Variants in LUZP2 observed in about 807,000 individuals in gnomAD.
The protein encoded by LUZP2 is leucine zipper protein 2.
LUZP2 carries 52 observed loss-of-function variants against 51.6 expected under a neutral mutation model. The observed-to-expected ratio is 1.01, with a 90% confidence interval of 0.81 to 1.27. The LOEUF (loss-of-function observed/expected upper bound fraction) is 1.27, where lower values mean the gene tolerates loss of function less well. LUZP2 is among the 50% of genes most tolerant of loss of function. LUZP2 has a pLI of 0.00. For missense variants in LUZP2, 436 were observed against 395.4 expected, an observed-to-expected ratio of 1.10 and a Z score of -0.87; for synonymous variants, 154 against 137.3, an observed-to-expected ratio of 1.12 and a Z score of -0.85.
intron 9 of LUZP2, among the ~76,000 whole-genome samples, chr11:25,016,870 T>C (rs1211065380): frequency 1.3e-5 from 2 of 152,138 alleles, no homozygotes; most frequent in Non-Finnish European, 2.9e-5. Flanking sequence ...ATAGAGGTTA[T>C]ATTAATTTTC....
At chr11:24,985,312 T>A (rs1472959431) in intron 9 of LUZP2, among the ~76,000 whole-genome samples, 1 of 151,726 alleles carries the variant, frequency 6.6e-6, no homozygotes. Flanking sequence ...GTTTCCTTGT[T>A]TGTTTTCTAG....
In LUZP2 at chr11:24,751,239, C is replaced by T. The variant is rs149800957; in HGVS notation, c.334-12007C>T. 2.9e-3 allele frequency among the ~76,000 whole-genome samples: 434 copies of T among 152,090 alleles called. 3 individuals are homozygous for T. Among genetic ancestry groups the T allele is most frequent in the African/African-American group, 0.01 (417 of 41,484 alleles). ...ACTGAAGTATTAAAAAAGAAGCATG[C>T]GAAAAACCCAACAAACGAAATAATG... On this transcript the variant is annotated intron_variant, in intron 4 of 11. Transcript: ENST00000336930.
intron 7 of LUZP2, among the ~76,000 whole-genome samples, chr11:24,921,850 T>C (rs1037915959): frequency 3.9e-5 from 6 of 152,064 alleles, no homozygotes; most frequent in African/African-American, 1.2e-4. Flanking sequence ...ACCGTATATA[T>C]TTAGCGTTTT....
intron 1 of LUZP2, among the ~76,000 whole-genome samples, chr11:24,516,407 G>A (rs1047440772): frequency 6.6e-6 from 1 of 152,146 alleles, no homozygotes; most frequent in Non-Finnish European, 1.5e-5. Context: ...AGGTTACAGG[G>A]ACTCCAGAGA....
chr11:25,002,348 T>C (rs1205974435), intron 9 of LUZP2, among the ~76,000 whole-genome samples: 2 of 152,180 alleles, frequency 1.3e-5, no homozygotes, highest in Admixed American at 6.5e-5. Context: ...TCGGGCAGCA[T>C]AAGTCTGGAC....
At chr11:24,757,930 A>G (rs1164439162) in intron 4 of LUZP2, among the ~76,000 whole-genome samples, 1 of 152,122 alleles carries the variant, frequency 6.6e-6, no homozygotes, top group Non-Finnish European at 1.5e-5. Context: ...ACTAAAAGGC[A>G]TCTATTTCCC....
At chr11:25,054,537 G>A (rs1467763940) in intron 10 of LUZP2, among the ~76,000 whole-genome samples, 3 of 151,918 alleles carry the variant, frequency 2.0e-5, no homozygotes, top group Non-Finnish European at 4.4e-5. Context: ...TTATTTGCAT[G>A]TTGTTATTCA....
intron 9 of LUZP2, among the ~76,000 whole-genome samples, chr11:24,999,797 T>A (rs12289785): frequency 0.084 from 12,722 of 152,228 alleles, 1,735 homozygotes; most frequent in African/African-American, 0.28. Flanking sequence ...TTCTGGTGGG[T>A]TGTTGGTCTC....
At chr11:24,707,901 G>A (rs564895244) in intron 1 of LUZP2, among the ~76,000 whole-genome samples, 1 of 152,278 alleles carries the variant, frequency 6.6e-6, no homozygotes, top group African/African-American at 2.4e-5. Context: ...GACAAGGAAG[G>A]GGAAGGGGTT....
chr11:24,517,505 A>AAAAAAAAAAAAAAAAAAC (rs1464717054), intron 1 of LUZP2, among the ~76,000 whole-genome samples: 1 of 146,634 alleles, frequency 6.8e-6, no homozygotes, highest in African/African-American at 2.5e-5. Flanking sequence ...AAAAAAAAAA[A>AAAAAAAAAAAAAAAAAAC]AAAAAAAATT....
At chr11:24,672,388 A>G (rs1856426912) in intron 1 of LUZP2, among the ~76,000 whole-genome samples, 1 of 152,158 alleles carries the variant, frequency 6.6e-6, no homozygotes, top group Non-Finnish European at 1.5e-5. Flanking sequence ...ATTAACTTTC[A>G]CCTTTGGACA....
intron 1 of LUZP2, among the ~76,000 whole-genome samples, chr11:24,695,876 A>C (rs1857231663): frequency 6.6e-6 from 1 of 151,764 alleles, no homozygotes; most frequent in East Asian, 1.9e-4. Context: ...TAAAATATGC[A>C]TATACTTTTC....
At chr11:24,648,737 T>C (rs909761466) in intron 1 of LUZP2, among the ~76,000 whole-genome samples, 1 of 151,836 alleles carries the variant, frequency 6.6e-6, no homozygotes, top group Admixed American at 6.6e-5. Flanking sequence ...CGATAAGGGG[T>C]ATATGCATAC....
intron 1 of LUZP2, among the ~76,000 whole-genome samples, chr11:24,586,433 TAAATTCTAAGAA>T (rs1164275322): frequency 6.6e-6 from 1 of 152,074 alleles, no homozygotes. Flanking sequence ...ATTTTCTAAA[TAAATTCTAAGAA>T]AAATATATAA....
At chr11:24,960,348 T>TG (rs1309706414) in intron 7 of LUZP2, among the ~76,000 whole-genome samples, 2 of 152,224 alleles carry the variant, frequency 1.3e-5, no homozygotes, top group African/African-American at 4.8e-5. Context: ...CTTGTACCTC[T>TG]GGTAGAATTT....
rs187282683 is a variant in LUZP2, at chr11:24,949,244, C to T, written c.523-27347C>T. 2.6e-5 allele frequency among the ~76,000 whole-genome samples: 4 copies of T among 151,554 alleles called. No homozygotes were observed. In the East Asian group the frequency reaches 7.7e-4, roughly 29 times the overall value. On this transcript the variant is annotated intron_variant, in intron 7 of 11. Coordinates refer to ENST00000336930, the MANE Select transcript of LUZP2 (RefSeq NM_001009909.4). ...CAATGGATTGGATGATGTCTACCTA[C>T]ATCCTCTATTTCTTTCTTTCTTCCT...
chr11:24,616,457 G>A (rs1854289926), intron 1 of LUZP2, among the ~76,000 whole-genome samples: 1 of 138,986 alleles, frequency 7.2e-6, no homozygotes, highest in South Asian at 2.3e-4. Flanking sequence ...TTGTGTGTGT[G>A]TGGTATTTGG....
At chr11:24,813,466 A>T (rs1324653518) in intron 5 of LUZP2, among the ~76,000 whole-genome samples, 1 of 152,216 alleles carries the variant, frequency 6.6e-6, no homozygotes, top group Non-Finnish European at 1.5e-5. Flanking sequence ...GAGCAGGCAC[A>T]TCACATGGCA....
intron 4 of LUZP2, among the ~76,000 whole-genome samples, chr11:24,748,371 A>G (rs1487610721): frequency 1.3e-5 from 2 of 150,980 alleles, no homozygotes; most frequent in African/African-American, 4.9e-5. Flanking sequence ...TCCCAATTCC[A>G]CGGTTTGGGT....
Sources: allele counts gnomAD v4.1 joint callset (sites outside exome capture counted in the v4.1 genomes callset), GRCh38; gene constraint gnomAD v4.1.1; transcripts MANE v1.5; gene names NCBI Gene and HGNC (gene_info 2026-07-23, HGNC 2026-07-21).